PUDP: variants seen among roughly 807,000 people sequenced by gnomAD.
PUDP encodes pseudouridine-5'-phosphatase.
PUDP carries 8 observed loss-of-function variants against 9.4 expected under a neutral mutation model. The observed-to-expected ratio is 0.85, with a 90% CI of 0.50 to 1.53. PUDP has a LOEUF of 1.53. Ranked by LOEUF, PUDP falls within the 40% of genes most tolerant of loss-of-function variation. The pLI, the probability that PUDP is intolerant of heterozygous loss-of-function variation, is 0.00. For synonymous variants in PUDP, 99 were observed against 80.7 expected, an observed-to-expected ratio of 1.23 and a Z score of -1.22; for missense variants, 188 against 189.7, an observed-to-expected ratio of 0.99 and a Z score of 0.05.
Position 7,008,873 on chromosome X carries a change from G to C in PUDP, c.205-30530C>G, listed in dbSNP as rs763029112. ...AAGGACTAAAACTACTTGAATGCTT[G>C]TTGGGAGGTTTACAATGTAGTCAAA... On this transcript the variant is annotated intron_variant and NMD_transcript_variant, in intron 1 of 3. Transcript: ENST00000655425. Among the ~76,000 whole-genome samples the C allele has an allele frequency of 5.3e-5, 6 of 112,297 alleles. No individual in the cohort carries two copies. In the South Asian group the frequency reaches 1.1e-3, roughly 21 times the overall value.
intron 3 of PUDP, among the ~76,000 whole-genome samples, chrX:6,923,868 C>T (rs1181881702): frequency 9.0e-6 from 1 of 111,468 alleles, no homozygotes; most frequent in Non-Finnish European, 1.9e-5. Flanking sequence ...CATCTGGTCC[C>T]TCATGAATCC....
At chrX:6,739,108 T>C (rs1395385273) in intron 3 of PUDP, among the ~76,000 whole-genome samples, 1 of 111,842 alleles carries the variant, frequency 8.9e-6, no homozygotes, top group Non-Finnish European at 1.9e-5. Flanking sequence ...CCTTCCTGAA[T>C]TGTGTTTGTG....
In PUDP at chrX:6,820,152, C is replaced by A. The variant is rs753899606; in HGVS notation, c.*248-113686G>T. ...AATGAGACGTAAGCAAAAGTAGAAA[C>A]CCCTGATAAACCCAATAGATCTCAT... On this transcript the variant is annotated intron_variant and NMD_transcript_variant, in intron 3 of 3. Transcript: ENST00000655425. 4.6e-5 allele frequency among the ~76,000 whole-genome samples: 5 copies of A among 109,870 alleles called. No individual in the cohort carries two copies. The East Asian group carries it at 1.4e-3, about 31-fold the overall frequency.
intron 3 of PUDP, among the ~76,000 whole-genome samples, chrX:6,770,316 A>G (rs1925343286): frequency 8.9e-6 from 1 of 112,126 alleles, no homozygotes; most frequent in Non-Finnish European, 1.9e-5. Context: ...TGCAACAGAG[A>G]TGCTGTGGCC....
rs1555907522 is a variant in PUDP at position 6,720,258 on chromosome X, G to GTGTGTATATA, written n.128+1158_128+1159insTATATACACA. 6.2e-3 allele frequency among the ~76,000 whole-genome samples: 301 copies of GTGTGTATATA among 48,777 alleles called. 10 individuals carry two copies. Among genetic ancestry groups the GTGTGTATATA allele is most frequent in the African/African-American group, 0.029 (277 of 9,618 alleles). 42.4% of individuals were successfully genotyped at this position (48,777 alleles called of 115,157 possible). On this transcript the variant is annotated intron_variant and non_coding_transcript_variant, in intron 1 of 2. Coordinates refer to the PUDP transcript ENST00000438499. Reference sequence around the variant, plus strand: ...TGTATATATGTATGTGTGTGTGTGTGTATATATATATATATATATATATAT... The same window carrying GTGTGTATATA: ...TGTATATATGTATGTGTGTGTGTGTGTGTGTATATATATATATATATATATATATATATAT...
intron 3 of PUDP, among the ~76,000 whole-genome samples, chrX:6,975,337 C>A (rs1928937701): frequency 9.0e-6 from 1 of 111,297 alleles, no homozygotes; most frequent in Admixed American, 9.6e-5. Flanking sequence ...TTTTCCTCAT[C>A]TTTGTGGAAT....
intron 3 of PUDP, among the ~76,000 whole-genome samples, chrX:6,825,365 C>T (rs58322360): frequency 0.084 from 9,336 of 110,710 alleles, 346 homozygotes; most frequent in African/African-American, 0.13. Context: ...AGCTTAGCAC[C>T]GGGTCATTCC....
chrX:6,850,942 T>A (rs1049351221), intron 3 of PUDP, among the ~76,000 whole-genome samples: 3 of 112,049 alleles, frequency 2.7e-5, no homozygotes, highest in Non-Finnish European at 5.6e-5. Context: ...GTAGCCTCCT[T>A]AGGGAAAAAG....
intron 3 of PUDP, among the ~76,000 whole-genome samples, chrX:6,940,905 G>A: frequency 8.9e-6 from 1 of 112,029 alleles, no homozygotes; most frequent in South Asian, 3.7e-4. Flanking sequence ...TTTTCACTGA[G>A]TGATAAGATC....
rs201150714 is a variant in PUDP, at chrX:7,042,653, A to AT, written c.204+34566dup. Among the ~76,000 whole-genome samples, 426 of 59,220 alleles carry AT rather than the reference A, an allele frequency of 7.2e-3. 1 individual carries two copies. Among genetic ancestry groups the AT allele is most frequent in the Non-Finnish European group, 0.011 (353 of 31,674 alleles). 51.4% of individuals were successfully genotyped at this position (59,220 alleles called of 115,157 possible). ...AGTTTCTGGGTGGACATATGTTTTC[A>AT]TTTTTTGGGGGGGGTAGACATCAAA... On this transcript the variant is annotated intron_variant and NMD_transcript_variant, in intron 1 of 3. Transcript: ENST00000655425.
chrX:6,905,104 A>G, intron 3 of PUDP, among the ~76,000 whole-genome samples: 1 of 111,733 alleles, frequency 8.9e-6, no homozygotes, highest in Non-Finnish European at 1.9e-5. Flanking sequence ...TGAAGGTTGT[A>G]TTGACATAGA....
At chrX:7,084,161 C>T (rs1234309009) in intron 2 of PUDP, among the ~76,000 whole-genome samples, 1 of 111,217 alleles carries the variant, frequency 9.0e-6, no homozygotes, top group African/African-American at 3.3e-5. Flanking sequence ...GGAAACTTTA[C>T]CAGGCTTCTC....
At chrX:6,916,248 A>ACACC (rs1569122818) in intron 3 of PUDP, among the ~76,000 whole-genome samples, 9 of 80,546 alleles carry the variant, frequency 1.1e-4, no homozygotes, top group South Asian at 1.1e-3. Flanking sequence ...ACACACACAC[A>ACACC]CCCTGGGGAA....
intron 3 of PUDP, among the ~76,000 whole-genome samples, chrX:6,954,755 C>T (rs998962527): frequency 8.9e-6 from 1 of 112,306 alleles, no homozygotes; most frequent in African/African-American, 3.2e-5. Context: ...TATTGAGCTT[C>T]CAGATGTCCT....
chrX:6,787,198 T>C (rs749487428), intron 3 of PUDP, among the ~76,000 whole-genome samples: 3 of 111,927 alleles, frequency 2.7e-5, no homozygotes, highest in Non-Finnish European at 5.6e-5. Context: ...AACCAAGGAA[T>C]AGTCAGAATC....
intron 3 of PUDP, among the ~76,000 whole-genome samples, chrX:6,860,084 G>A (rs1926973557): frequency 8.9e-6 from 1 of 111,821 alleles, no homozygotes; most frequent in Admixed American, 9.5e-5. Flanking sequence ...ATCAGCTCAA[G>A]GTCAGAGAGT....
chrX:6,991,685 A>AT (rs1400695412), intron 1 of PUDP, among the ~76,000 whole-genome samples: 2 of 109,449 alleles, frequency 1.8e-5, no homozygotes, highest in African/African-American at 6.7e-5. Flanking sequence ...TCAAAAAAAA[A>AT]AAAAATAAAA....
intron 3 of PUDP, among the ~76,000 whole-genome samples, chrX:6,924,371 A>G (rs2146765385): frequency 8.9e-6 from 1 of 112,107 alleles, no homozygotes; most frequent in African/African-American, 3.2e-5. Flanking sequence ...AATGAGAAAT[A>G]GAACGGGGGT....
chrX:6,816,067 A>C (rs989596307), intron 3 of PUDP, among the ~76,000 whole-genome samples: 5 of 107,078 alleles, frequency 4.7e-5, no homozygotes, highest in Non-Finnish European at 9.6e-5. Context: ...TACTACATAT[A>C]CACTATGCAT....
Sources: gnomAD v4.1 joint callset for allele counts (sites outside exome capture counted in the v4.1 genomes callset) on GRCh38, gnomAD v4.1.1 for gene constraint, MANE v1.5 for transcripts, NCBI Gene and HGNC (gene_info 2026-07-23, HGNC 2026-07-21) for gene names.